The following BCL11B variants were observed in gnomAD, a reference collection of about 807,000 sequenced individuals.
BCL11B encodes the protein BCL11 transcription factor B.
Under a neutral mutation model 49.9 loss-of-function variants are expected in BCL11B, and 8 were observed. The observed-to-expected ratio is 0.16, with a 90% CI of 0.09 to 0.29. The LOEUF is 0.29. Ranked by LOEUF, BCL11B falls within the 10% of genes least tolerant of loss-of-function variation. BCL11B has a pLI of 1.00. For missense variants in BCL11B, 1,006 were observed against 1,351.0 expected, an observed-to-expected ratio of 0.74 and a Z score of 4.00; for synonymous variants, 739 against 637.4, an observed-to-expected ratio of 1.16 and a Z score of -2.40.
chr14:99,174,187 A>C lies in BCL11B; in HGVS notation c.2649T>G (p.Thr883=). Reference sequence around the variant, plus strand: ...CGGCCTGCTCGATTTTGACGTCGTTAGTCAGCAAGTGCTCGCCGTGCCACT... The same window carrying C: ...CGGCCTGCTCGATTTTGACGTCGTTCGTCAGCAAGTGCTCGCCGTGCCACT... ...MKKWHGEHLL[T]NDVKIEQAER... Residue 883 remains threonine (T), a synonymous_variant, in exon 4 of 4, where the codon ACT becomes ACG. Coordinates refer to ENST00000357195, the MANE Select transcript of BCL11B (RefSeq NM_138576.4). The C allele has an allele frequency of 6.2e-7, 1 of 1,613,410 alleles. No homozygotes were observed. Among genetic ancestry groups the C allele is most frequent in the Non-Finnish European group, 8.5e-7 (1 of 1,179,986 alleles).
intron 3 of BCL11B, among the ~76,000 whole-genome samples, chr14:99,224,506 G>A (rs1018008386): frequency 5.3e-5 from 8 of 152,178 alleles, no homozygotes; most frequent in Admixed American, 5.2e-4. Flanking sequence ...AACTCTCCCA[G>A]GCAAGTGGCT....
intron 3 of BCL11B, among the ~76,000 whole-genome samples, chr14:99,198,763 T>A (rs1887254622): frequency 6.6e-6 from 1 of 152,136 alleles, no homozygotes; most frequent in Non-Finnish European, 1.5e-5. Flanking sequence ...GGGCTAATCC[T>A]AAGACACAAG....
chr14:99,214,667 T>TAAAA (rs1182292165), intron 3 of BCL11B, among the ~76,000 whole-genome samples: 7 of 151,076 alleles, frequency 4.6e-5, no homozygotes, highest in Non-Finnish European at 8.9e-5. Flanking sequence ...ATTTAAATAT[T>TAAAA]AAAAAAATAA....
chr14:99,234,507 G>A (rs1018794244), intron 2 of BCL11B, among the ~76,000 whole-genome samples: 1 of 152,128 alleles, frequency 6.6e-6, no homozygotes, highest in Non-Finnish European at 1.5e-5. Flanking sequence ...GAGCTCCCAG[G>A]CCGCACAGCC....
intron 3 of BCL11B, among the ~76,000 whole-genome samples, chr14:99,211,451 C>T (rs1246771564): frequency 2.0e-5 from 3 of 152,254 alleles, no homozygotes; most frequent in Non-Finnish European, 2.9e-5. Flanking sequence ...CAGCCGGCCA[C>T]AGAGCCTGGT....
intron 3 of BCL11B, among the ~76,000 whole-genome samples, chr14:99,178,801 C>A (rs1886614283): frequency 6.6e-6 from 1 of 152,222 alleles, no homozygotes; most frequent in African/African-American, 2.4e-5. Flanking sequence ...CGTTCCTGTA[C>A]CCTGCACCAC....
intron 3 of BCL11B, among the ~76,000 whole-genome samples, chr14:99,216,860 C>G (rs1887850744): frequency 6.6e-6 from 1 of 152,140 alleles, no homozygotes; most frequent in Admixed American, 6.5e-5. Context: ...TACACACACA[C>G]ACGCATACAT....
chr14:99,254,638 G>T (rs958953826), intron 2 of BCL11B, among the ~76,000 whole-genome samples: 3 of 152,232 alleles, frequency 2.0e-5, no homozygotes, highest in African/African-American at 7.2e-5. Flanking sequence ...ACTGGCCGGG[G>T]CCAGCGAGGC....
chr14:99,210,323 G>T (rs1416925225), intron 3 of BCL11B, among the ~76,000 whole-genome samples: 4 of 152,182 alleles, frequency 2.6e-5, no homozygotes, highest in Non-Finnish European at 5.9e-5. Flanking sequence ...GGTTGGGAGA[G>T]CAGGTCCAAA....
chr14:99,181,470 C>CCCAACCCCTGAGCAGGGCT (rs956201083), intron 3 of BCL11B, among the ~76,000 whole-genome samples: 5 of 152,228 alleles, frequency 3.3e-5, no homozygotes, highest in African/African-American at 1.2e-4. Flanking sequence ...CCTCAGGCTT[C>CCCAACCCCTGAGCAGGGCT]CCAACCCCTG....
intron 3 of BCL11B, among the ~76,000 whole-genome samples, chr14:99,199,690 G>GCGCGCGCGCGCGCA (rs1887309657): frequency 3.1e-5 from 2 of 64,350 alleles, no homozygotes; most frequent in South Asian, 3.7e-4. Flanking sequence ...GTGTGCGCGC[G>GCGCGCGCGCGCGCA]CGCGCGCACG....
chr14:99,180,514 C>T (rs368977948), intron 3 of BCL11B, among the ~76,000 whole-genome samples: 4 of 152,192 alleles, frequency 2.6e-5, no homozygotes, highest in East Asian at 1.9e-4. Flanking sequence ...TGCGTCCATA[C>T]CCCTCTGCCT....
At position 99,192,910 on chromosome 14, in the gene BCL11B, TAA is replaced by T. The variant is rs1438995855; in HGVS notation, c.641-16717_641-16716del. Among the ~76,000 whole-genome samples, 2 of 151,668 alleles carry T rather than the reference TAA, an allele frequency of 1.3e-5. No individual in the cohort carries two copies. The highest frequency in any genetic ancestry group is 6.6e-5 in the Admixed American group (1 of 15,242). On this transcript the variant is annotated intron_variant, in intron 3 of 3. Coordinates refer to ENST00000357195, the MANE Select transcript of BCL11B (RefSeq NM_138576.4). This position sits in a 1 kb window ranked among gnomAD's most constrained non-coding sequence, Gnocchi z 4.0. ...ATGAATGAATGAGTGAATGAATGGATAAAAGAGTGAATGAATGAATGAGTAAA... is the reference window on the plus strand; with the variant it reads ...ATGAATGAATGAGTGAATGAATGGATAAGAGTGAATGAATGAATGAGTAAA...
intron 3 of BCL11B, among the ~76,000 whole-genome samples, chr14:99,219,614 G>A (rs576879984): frequency 3.3e-5 from 5 of 152,156 alleles, no homozygotes; most frequent in African/African-American, 7.2e-5. Context: ...ACAGGACACC[G>A]AGTGAGCTCT....
chr14:99,177,763 A>C (rs1458889640), intron 3 of BCL11B, among the ~76,000 whole-genome samples: 1 of 151,940 alleles, frequency 6.6e-6, no homozygotes, highest in Non-Finnish European at 1.5e-5. Flanking sequence ...GAAGTGGAGA[A>C]AACAGTCCCC....
At position 99,171,428 on chromosome 14, in the gene BCL11B, CTTTT is replaced by C; in HGVS notation, c.*2719_*2722del. On this transcript the variant is annotated 3_prime_UTR_variant, in exon 4 of 4. Transcript: ENST00000357195. The stretch of plus-strand genomic sequence containing the variant: ...GCCTGTTTGTTTTTGTTTTTTTTTT[CTTTT>C]TATTTCCAAATTCACTAACAAAAAG... 5.1e-6 allele frequency: 1 copy of C among 195,978 alleles called. No individual in the cohort carries two copies. Among genetic ancestry groups the C allele is most frequent in the East Asian group, 7.6e-5 (1 of 13,222 alleles). The allele number at this position is 195,978 out of a possible 1,614,324, so 12.1% of individuals were successfully genotyped here. A position where few individuals can be genotyped will look rare whatever the true frequency, so the allele number is the denominator to read the frequency against.
At chr14:99,224,413 T>C (rs1479185008) in intron 3 of BCL11B, among the ~76,000 whole-genome samples, 2 of 152,200 alleles carry the variant, frequency 1.3e-5, no homozygotes, top group African/African-American at 2.4e-5. Context: ...TGCCTAGGAC[T>C]GAGCCGGCCC....
In BCL11B at chr14:99,174,172, G is replaced by C. The variant is rs1429891978; in HGVS notation, c.2664C>G (p.Ile888Met). Reference protein sequence around the residue: ...GEHLLTNDVKIEQAERS With the variant: ...GEHLLTNDVKMEQAERS The stretch of plus-strand genomic sequence containing the variant: ...GCGCTTAGCTCCTCTCGGCCTGCTC[G>C]ATTTTGACGTCGTTAGTCAGCAAGT... Residue 888 changes from isoleucine to methionine, a missense_variant, in exon 4 of 4, where the codon ATC becomes ATG. By Grantham distance (10) the Ile-to-Met change is conservative (BLOSUM62 1). This residue lies in a region of BCL11B where 16 missense variants were observed against 24.1 expected (regional missense o/e 0.67). Coordinates refer to ENST00000357195, the MANE Select transcript of BCL11B (RefSeq NM_138576.4). 2.5e-6 allele frequency: 4 copies of C among 1,613,030 alleles called. No homozygotes were observed. Among genetic ancestry groups the C allele is most frequent in the Non-Finnish European group, 1.7e-6 (2 of 1,179,994 alleles).
chr14:99,203,621 AG>A (rs1595242976), intron 3 of BCL11B, among the ~76,000 whole-genome samples: 9 of 152,118 alleles, frequency 5.9e-5, no homozygotes, highest in East Asian at 1.9e-4. Context: ...ACTCACAAGG[AG>A]TTCATTCATT....
Sources: allele counts gnomAD v4.1 joint callset (sites outside exome capture counted in the v4.1 genomes callset), GRCh38; gene constraint gnomAD v4.1.1; regional missense constraint gnomAD v4.1.1; non-coding constraint Gnocchi (gnomAD v3.1); transcripts MANE v1.5; gene names NCBI Gene and HGNC (gene_info 2026-07-23, HGNC 2026-07-21).